CATSPERD: variants seen among roughly 807,000 people sequenced by gnomAD.
CATSPERD encodes the protein cation channel sperm-associated auxiliary subunit delta.
CATSPERD carries 86 observed loss-of-function variants against 98.1 expected under a neutral mutation model. The ratio of observed to expected loss-of-function variants is 0.88; its 90% CI spans 0.74 to 1.05. The LOEUF (loss-of-function observed/expected upper bound fraction) is 1.05. CATSPERD is among the 50% of genes least tolerant of loss of function. The pLI is 0.00. For synonymous variants in CATSPERD, 394 were observed against 390.2 expected, an observed-to-expected ratio of 1.01 and a Z score of -0.12; for missense variants, 995 against 1,005.7, an observed-to-expected ratio of 0.99 and a Z score of 0.14.
At chr19:5,724,630 C>T (rs1033066789) in intron 1 of CATSPERD, among the ~76,000 whole-genome samples, 178 bp from the exon 2 acceptor site, 5 of 152,126 alleles carry the variant, frequency 3.3e-5, no homozygotes, top group African/African-American at 9.7e-5. Context: ...ATCTGGGAGG[C>T]GGAGGTTGCA....
chr19:5,743,702 C>CTCTCTCTCTG lies in CATSPERD; in HGVS notation c.574-720_574-719insCTCTGTCTCT, dbSNP rs1555720819. 3.0e-3 allele frequency among the ~76,000 whole-genome samples: 378 copies of CTCTCTCTCTG among 124,376 alleles called. 1 individual carries two copies. Among genetic ancestry groups the CTCTCTCTCTG allele is most frequent in the African/African-American group, 0.01 (363 of 34,842 alleles). 81.6% of individuals were successfully genotyped at this position (124,376 alleles called of 152,430 possible). ...TCTCTTCCTCTCTCTCTCTCTCTCT[C>CTCTCTCTCTG]TCTCTGTCTCTGTCTCTGTCTCTGT... On this transcript the variant is annotated intron_variant, in intron 7 of 21. Transcript: ENST00000381624.
intron 17 of CATSPERD, 88 bp from the exon 18 acceptor site, chr19:5,768,080 C>A (rs866447163): frequency 8.1e-7 from 1 of 1,235,656 alleles, no homozygotes; most frequent in Admixed American, 1.7e-5. Context: ...TGAGCCACCA[C>A]GCCCAGCCCC....
chr19:5,768,424 C>A (rs1249199375), intron 18 of CATSPERD, among the ~76,000 whole-genome samples, 182 bp downstream of exon 18: 2 of 151,992 alleles, frequency 1.3e-5, no homozygotes, highest in East Asian at 3.9e-4. Context: ...GCAAGCTCCA[C>A]CTCCCGGGTT....
rs2055441648 is a variant in CATSPERD at position 5,720,784 on chromosome 19, C to T, written c.47C>T (p.Pro16Leu). The T allele has an allele frequency of 3.1e-6, 5 of 1,601,974 alleles. No homozygotes were observed. The highest frequency in any genetic ancestry group is 1.7e-5 in the Admixed American group (1 of 59,836). The stretch of plus-strand genomic sequence containing the variant: ...GCGGCTGTGACCATGTGGCTCCGAC[C>T]GCTGGTCACAGCTCAGCTCTGTCGG... ...LVAAVTMWLR[P>L]LVTAQLCRSR... Residue 16 changes from proline to leucine, a missense_variant, in exon 1 of 22, where the codon CCG becomes CTG. Pro to Leu is a moderately conservative substitution (Grantham distance 98, BLOSUM62 -3). Coordinates refer to ENST00000381624, the MANE Select transcript of CATSPERD (RefSeq NM_152784.4).
At chr19:5,768,894 G>C (rs533687537) in intron 18 of CATSPERD, among the ~76,000 whole-genome samples, 1 of 152,116 alleles carries the variant, frequency 6.6e-6, no homozygotes, top group South Asian at 2.1e-4. Context: ...GGCCGGGCCC[G>C]GTGGCTCACG....
At chr19:5,727,182 G>GA (rs1359500129) in intron 2 of CATSPERD, 86 bp from the exon 3 acceptor site, 3 of 1,016,646 alleles carry the variant, frequency 3.0e-6, no homozygotes, top group Non-Finnish European at 4.5e-6. Context: ...GCAACAGAGC[G>GA]AGACTCTTGT....
At chr19:5,762,059 T>TATATATATATATATATATATATATA (rs1491269022) in intron 15 of CATSPERD, among the ~76,000 whole-genome samples, 2 of 18,622 alleles carry the variant, frequency 1.1e-4, no homozygotes, top group Non-Finnish European at 2.2e-4. Flanking sequence ...TATATATATA[T>TATATATATATATATATATATATATA]TTTTTTTTTT....
chr19:5,735,416 T>G (rs1180389777), intron 5 of CATSPERD, among the ~76,000 whole-genome samples: 2 of 152,206 alleles, frequency 1.3e-5, no homozygotes, highest in Admixed American at 6.6e-5. Context: ...GTTCAAGCGA[T>G]TCTCCTGCCT....
intron 15 of CATSPERD, among the ~76,000 whole-genome samples, chr19:5,761,068 C>T (rs1308127279): frequency 2.0e-5 from 3 of 149,682 alleles, no homozygotes; most frequent in African/African-American, 7.4e-5. Flanking sequence ...CGAAGTTTCA[C>T]TCTTGTTGCC....
intron 1 of CATSPERD, among the ~76,000 whole-genome samples, chr19:5,721,417 T>A (rs2055472567): frequency 6.6e-6 from 1 of 152,146 alleles, no homozygotes; most frequent in African/African-American, 2.4e-5. Context: ...AGTGCTGGGA[T>A]TGCAGGCGTG....
chr19:5,769,293 CAAA>C (rs35536683), intron 18 of CATSPERD, among the ~76,000 whole-genome samples: 2 of 45,058 alleles, frequency 4.4e-5, no homozygotes, highest in Admixed American at 2.2e-4. Context: ...AACCTAGAGA[CAAA>C]AAAAAAAAAA....
intron 10 of CATSPERD, among the ~76,000 whole-genome samples, chr19:5,748,685 A>G (rs2056144136): frequency 6.8e-6 from 1 of 146,368 alleles, no homozygotes; most frequent in African/African-American, 2.5e-5. Context: ...GCATTTCCAC[A>G]TGAATTTTGT....
chr19:5,746,399 A>G lies in CATSPERD; in HGVS notation c.808+336A>G, dbSNP rs544058707. ...CAGACAACTCTGAGGCTGCTTTTCCAGAGTTCCAGGAGGCTTCGTATTTAA... is the reference window on the plus strand; with the variant it reads ...CAGACAACTCTGAGGCTGCTTTTCCGGAGTTCCAGGAGGCTTCGTATTTAA... On this transcript the variant is annotated intron_variant, in intron 9 of 21. Coordinates refer to ENST00000381624, the MANE Select transcript of CATSPERD (RefSeq NM_152784.4). 3.3e-5 allele frequency among the ~76,000 whole-genome samples: 5 copies of G among 152,058 alleles called. No individual in the cohort carries two copies. The South Asian group carries it at 8.3e-4, about 25-fold the overall frequency.
chr19:5,774,044 T>C (rs987903750), intron 20 of CATSPERD, among the ~76,000 whole-genome samples: 14 of 144,712 alleles, frequency 9.7e-5, no homozygotes, highest in African/African-American at 3.3e-4. Context: ...CTCAGCTCAC[T>C]GCAACCTCCA....
chr19:5,755,889 G>T (rs1230479666), intron 13 of CATSPERD, among the ~76,000 whole-genome samples: 1 of 152,182 alleles, frequency 6.6e-6, no homozygotes, highest in East Asian at 1.9e-4. Context: ...GCTGAGGCAG[G>T]AGGATCACTT....
At position 5,750,187 on chromosome 19, in the gene CATSPERD, G is replaced by A. The variant is rs189554823; in HGVS notation, c.987+1004G>A. Among the ~76,000 whole-genome samples the A allele has an allele frequency of 1.4e-4, 21 of 148,014 alleles. 1 individual carries two copies. Among genetic ancestry groups the A allele is most frequent in the Middle Eastern group, 7.1e-3 (2 of 280 alleles). ...ATTTTGGCCGGGCGTGGTGGCTCAC[G>A]CCTGTAATCCCAGCACCTTGGGTGG... On this transcript the variant is annotated intron_variant, in intron 11 of 21. Transcript: ENST00000381624.
rs937049986 is a variant in CATSPERD, at chr19:5,745,767, TAAAA to T, written c.658-142_658-139del. On this transcript the variant is annotated intron_variant, in intron 8 of 21. Transcript: ENST00000381624. ...ACAATAAAGTTGTATTTAATAAAAA[TAAAA>T]AAAGAAAGGCAGACTTGTGGCTTCT... is the stretch of plus-strand genomic sequence containing the variant. 4 of 682,016 alleles carry T rather than the reference TAAAA, an allele frequency of 5.9e-6. No homozygotes were observed. The African/African-American group carries it at 7.2e-5, about 12-fold the overall frequency. The allele number at this position is 682,016 out of a possible 1,614,324, so 42.2% of individuals were successfully genotyped here.
intron 8 of CATSPERD, among the ~76,000 whole-genome samples, 172 bp downstream of exon 8, chr19:5,744,682 C>A (rs1440788773): frequency 2.6e-5 from 4 of 151,984 alleles, no homozygotes; most frequent in Non-Finnish European, 5.9e-5. Context: ...CTCACTGCAA[C>A]CTCCACCTTT....
chr19:5,751,300 G>A (rs529253341), intron 11 of CATSPERD, among the ~76,000 whole-genome samples: 29 of 147,882 alleles, frequency 2.0e-4, no homozygotes, highest in African/African-American at 6.5e-4. Context: ...CGAGGCGGGC[G>A]GATCACGAGG....
Sources: allele counts gnomAD v4.1 joint callset (sites outside exome capture counted in the v4.1 genomes callset), GRCh38; gene constraint gnomAD v4.1.1; transcripts MANE v1.5; gene names NCBI Gene and HGNC (gene_info 2026-07-23, HGNC 2026-07-21).